ZCCHC24: variants seen among roughly 807,000 people sequenced by gnomAD.
The protein encoded by ZCCHC24 is zinc finger CCHC-type containing 24, also known as zinc finger CCHC domain-containing protein 24.
ZCCHC24 carries 10 observed loss-of-function variants against 26.2 expected under a neutral mutation model. That is an observed-to-expected ratio of 0.38 (90% CI 0.24 to 0.65). The LOEUF (loss-of-function observed/expected upper bound fraction) is 0.65, where lower values mean the gene tolerates loss of function less well. Ranked by LOEUF, ZCCHC24 falls within the 30% of genes least tolerant of loss-of-function variation. The pLI is 0.54. For synonymous variants in ZCCHC24, 144 were observed against 147.1 expected, an observed-to-expected ratio of 0.98 and a Z score of 0.15; for missense variants, 243 against 329.1, an observed-to-expected ratio of 0.74 and a Z score of 2.03.
intron 1 of ZCCHC24, among the ~76,000 whole-genome samples, chr10:79,435,616 CG>C (rs1460225408): frequency 1.3e-5 from 2 of 152,318 alleles, no homozygotes; most frequent in East Asian, 1.9e-4. Flanking sequence ...TAATTCCAGA[CG>C]AACGCTACCT....
Position 79,445,464 on chromosome 10 carries a change from TCCCCGGCCGCCCGCTCGCGGCCC to T in ZCCHC24, c.-47_-25del. ...ATTTTGTGGCGGCGGTGCCGGCCCC[TCCCCGGCCGCCCGCTCGCGGCCC>T]CCCTCCGCAGCGGAGGGGCGGGCAC... On this transcript the variant is annotated 5_prime_UTR_variant, in exon 1 of 4. Transcript: ENST00000372336. 7.3e-7 allele frequency: 1 copy of T among 1,363,688 alleles called. No individual in the cohort carries two copies. The highest frequency in any genetic ancestry group is 9.5e-7 in the Non-Finnish European group (1 of 1,049,590). 84.5% of individuals were successfully genotyped at this position (1,363,688 alleles called of 1,614,324 possible). A position where few individuals can be genotyped will look rare whatever the true frequency, so the allele number is the denominator to read the frequency against.
intron 1 of ZCCHC24, 125 bp downstream of exon 1, chr10:79,445,070 C>T: frequency 9.8e-7 from 1 of 1,021,968 alleles, no homozygotes; most frequent in South Asian, 3.9e-5. Flanking sequence ...CCAAGCCAAG[C>T]CGGGCCCGGC....
intron 1 of ZCCHC24, among the ~76,000 whole-genome samples, chr10:79,443,461 C>T (rs1857315702): frequency 6.6e-6 from 1 of 152,140 alleles, no homozygotes; most frequent in Admixed American, 6.5e-5. Flanking sequence ...GGGTCATGTT[C>T]ACCCTTCTCC....
At position 79,386,496 on chromosome 10, in the gene ZCCHC24, G is replaced by A. The variant is rs764723848; in HGVS notation, c.613-38C>T. 2.6e-5 allele frequency: 39 copies of A among 1,507,566 alleles called. No individual in the cohort carries two copies. In the East Asian group the frequency reaches 3.9e-4, roughly 15 times the overall value. 93.4% of individuals were successfully genotyped at this position (1,507,566 alleles called of 1,614,324 possible). ...GGAGGAAGGGGCCCAGGGGAGTGAG[G>A]GGAGAGAAAGACAGAAACACAGAGA... On this transcript the variant is annotated intron_variant, in intron 3 of 3. Coordinates refer to ENST00000372336, the MANE Select transcript of ZCCHC24 (RefSeq NM_153367.4).
At chr10:79,418,862 C>T (rs1240824904) in intron 2 of ZCCHC24, among the ~76,000 whole-genome samples, 2 of 152,126 alleles carry the variant, frequency 1.3e-5, no homozygotes, top group Non-Finnish European at 2.9e-5. Flanking sequence ...GAGAGGAGAG[C>T]TCTGAGGCCC....
At chr10:79,443,874 G>A (rs901021473) in intron 1 of ZCCHC24, among the ~76,000 whole-genome samples, 5 of 152,202 alleles carry the variant, frequency 3.3e-5, no homozygotes, top group African/African-American at 1.2e-4. Context: ...TTCCTCCTCT[G>A]CACCCAGCCC....
intron 2 of ZCCHC24, chr10:79,394,685 T>A: frequency 1.0e-6 from 1 of 967,930 alleles, no homozygotes; most frequent in Non-Finnish European, 1.2e-6. Flanking sequence ...GGCGCACGTC[T>A]CTTCTAGATT....
chr10:79,398,056 CG>C (rs1856570959), intron 2 of ZCCHC24, among the ~76,000 whole-genome samples: 1 of 152,238 alleles, frequency 6.6e-6, no homozygotes, highest in Admixed American at 6.5e-5. Context: ...TGGAGCCGTC[CG>C]TCAGGGCGTG....
chr10:79,445,519 G>A lies in ZCCHC24; in HGVS notation c.-79C>T, dbSNP rs924071637. On this transcript the variant is annotated 5_prime_UTR_variant, in exon 1 of 4. Transcript: ENST00000372336. Reference sequence around the variant, plus strand: ...GCAGCGGAGGGGCGGGCACCGGGGAGCCTGTGCCCACTGCCCGCCTCCCGA... The same window carrying A: ...GCAGCGGAGGGGCGGGCACCGGGGAACCTGTGCCCACTGCCCGCCTCCCGA... 3.3e-6 allele frequency: 4 copies of A among 1,196,450 alleles called. No homozygotes were observed. The highest frequency in any genetic ancestry group is 4.4e-5 in the Admixed American group (1 of 22,800). The allele number at this position is 1,196,450 out of a possible 1,614,324, so 74.1% of individuals were successfully genotyped here.
Position 79,445,472 on chromosome 10 carries a change from C to A in ZCCHC24, c.-32G>T. 1 of 1,344,016 alleles carries A rather than the reference C, an allele frequency of 7.4e-7. No homozygotes were observed. Among genetic ancestry groups the A allele is most frequent in the East Asian group, 3.1e-5 (1 of 32,046 alleles). The allele number at this position is 1,344,016 out of a possible 1,614,324, so 83.3% of individuals were successfully genotyped here. A position where few individuals can be genotyped will look rare whatever the true frequency, so the allele number is the denominator to read the frequency against. ...GCGGCGGTGCCGGCCCCTCCCCGGCCGCCCGCTCGCGGCCCCCCTCCGCAG... is the reference window on the plus strand; with the variant it reads ...GCGGCGGTGCCGGCCCCTCCCCGGCAGCCCGCTCGCGGCCCCCCTCCGCAG... On this transcript the variant is annotated 5_prime_UTR_variant, in exon 1 of 4. Transcript: ENST00000372336.
intron 2 of ZCCHC24, among the ~76,000 whole-genome samples, chr10:79,399,778 C>G (rs1029827938): frequency 6.6e-6 from 1 of 152,224 alleles, no homozygotes; most frequent in Non-Finnish European, 1.5e-5. Flanking sequence ...GAGGGGCCCC[C>G]CGGGCAAGCC....
chr10:79,392,023 C>A (rs1415182275), intron 3 of ZCCHC24, among the ~76,000 whole-genome samples: 5 of 151,998 alleles, frequency 3.3e-5, no homozygotes, highest in Admixed American at 2.6e-4. Flanking sequence ...CCAGACTCCA[C>A]CCAGTCCACA....
chr10:79,426,157 G>A (rs1392069527), intron 2 of ZCCHC24, among the ~76,000 whole-genome samples: 2 of 152,198 alleles, frequency 1.3e-5, no homozygotes, highest in South Asian at 2.1e-4. Flanking sequence ...CTCTTAAGGT[G>A]AGAAAGGACC....
intron 1 of ZCCHC24, among the ~76,000 whole-genome samples, chr10:79,443,754 C>T (rs1198118438): frequency 6.6e-6 from 1 of 152,220 alleles, no homozygotes; most frequent in Non-Finnish European, 1.5e-5. Flanking sequence ...AAAGAAAGAT[C>T]CCCAGCCAAG....
At chr10:79,428,001 C>A (rs1436539199) in intron 2 of ZCCHC24, among the ~76,000 whole-genome samples, 1 of 152,178 alleles carries the variant, frequency 6.6e-6, no homozygotes, top group African/African-American at 2.4e-5. Context: ...AAATCTAAAG[C>A]AAGCTGATGG....
In ZCCHC24 at chr10:79,385,939, G is replaced by A. The variant is rs879231497; in HGVS notation, c.*406C>T. ...CGGAAGGTTCTGGGTGGGGGCAGGCGGCCTGGCTGGTCTGGGGAGGTTTGG... is the reference window on the plus strand; with the variant it reads ...CGGAAGGTTCTGGGTGGGGGCAGGCAGCCTGGCTGGTCTGGGGAGGTTTGG... On this transcript the variant is annotated 3_prime_UTR_variant, in exon 4 of 4. Transcript: ENST00000372336. The surrounding 1 kb of genome is among the most constrained non-coding windows in gnomAD (Gnocchi z 4.3). 45 of 413,426 alleles carry A rather than the reference G, an allele frequency of 1.1e-4. No homozygotes were observed. The highest frequency in any genetic ancestry group is 4.4e-4 in the African/African-American group (22 of 49,682). 25.6% of individuals were successfully genotyped at this position (413,426 alleles called of 1,614,324 possible). A position where few individuals can be genotyped will look rare whatever the true frequency, so the allele number is the denominator to read the frequency against.
At chr10:79,403,646 G>A (rs181591875) in intron 2 of ZCCHC24, 52 of 969,248 alleles carry the variant, frequency 5.4e-5, no homozygotes, top group Admixed American at 4.9e-4. Context: ...GCGCACAGCC[G>A]TCCTCGCCTC....
At chr10:79,443,061 G>A (rs1857310792) in intron 1 of ZCCHC24, among the ~76,000 whole-genome samples, 1 of 152,210 alleles carries the variant, frequency 6.6e-6, no homozygotes, top group Non-Finnish European at 1.5e-5. Context: ...ATCCTGGGGT[G>A]TAGCAGAGAC....
chr10:79,443,179 C>G (rs1222400540), intron 1 of ZCCHC24, among the ~76,000 whole-genome samples: 1 of 152,110 alleles, frequency 6.6e-6, no homozygotes, highest in East Asian at 1.9e-4. Flanking sequence ...TAACCTTTTC[C>G]TGCTCCTTTC....
Sources: allele counts gnomAD v4.1 joint callset (sites outside exome capture counted in the v4.1 genomes callset), GRCh38; gene constraint gnomAD v4.1.1; non-coding constraint Gnocchi (gnomAD v3.1); transcripts MANE v1.5; gene names NCBI Gene and HGNC (gene_info 2026-07-23, HGNC 2026-07-21).